Variants in PXMP4 observed in about 807,000 individuals in gnomAD.
The protein encoded by PXMP4 is peroxisomal membrane protein 4, also known as 24 kDa peroxisomal intrinsic membrane protein.
Under a neutral mutation model 21.6 loss-of-function variants are expected in PXMP4, and 16 were observed. The ratio of observed to expected loss-of-function variants is 0.74; its 90% CI spans 0.50 to 1.13. The LOEUF (loss-of-function observed/expected upper bound fraction) is 1.13. PXMP4 is among the 50% of genes most tolerant of loss of function. The pLI is 0.00. For synonymous variants in PXMP4, 127 were observed against 123.8 expected, an observed-to-expected ratio of 1.03 and a Z score of -0.17; for missense variants, 240 against 277.7, an observed-to-expected ratio of 0.86 and a Z score of 0.96.
intron 2 of PXMP4, among the ~76,000 whole-genome samples, chr20:33,713,054 G>A (rs1198026437): frequency 6.6e-6 from 1 of 152,206 alleles, no homozygotes; most frequent in East Asian, 1.9e-4. Flanking sequence ...GAGCCACTGC[G>A]CCTGGCCTAG....
At chr20:33,717,287 C>G (rs2018392965) in intron 1 of PXMP4, among the ~76,000 whole-genome samples, 1 of 152,170 alleles carries the variant, frequency 6.6e-6, no homozygotes, top group East Asian at 1.9e-4. Flanking sequence ...TTTTTGCTTG[C>G]TTTTTAAACT....
intron 1 of PXMP4, among the ~76,000 whole-genome samples, chr20:33,718,093 A>G (rs1279409694): frequency 2.0e-5 from 3 of 152,110 alleles, no homozygotes; most frequent in African/African-American, 7.2e-5. Flanking sequence ...TTACCAGGCT[A>G]CAAGGTCTAA....
rs1281457903 is a variant in PXMP4, at chr20:33,707,301, T to G, written c.*405A>C. ...ACAGCATCTGAGATAAGGAACTTAGTGTTTTTTAAAAAGTATTTACAACCC... is the reference window on the plus strand; with the variant it reads ...ACAGCATCTGAGATAAGGAACTTAGGGTTTTTTAAAAAGTATTTACAACCC... On this transcript the variant is annotated 3_prime_UTR_variant, in exon 4 of 4. Coordinates refer to ENST00000409299, the MANE Select transcript of PXMP4 (RefSeq NM_007238.5). 5.9e-6 allele frequency: 1 copy of G among 169,476 alleles called. No homozygotes were observed. Among genetic ancestry groups the G allele is most frequent in the African/African-American group, 2.4e-5 (1 of 42,012 alleles). The allele number at this position is 169,476 out of a possible 1,614,324, so 10.5% of individuals were successfully genotyped here. A position where few individuals can be genotyped will look rare whatever the true frequency, so the allele number is the denominator to read the frequency against.
At position 33,706,136 on chromosome 20, in the gene PXMP4, G is replaced by C. The variant is rs1211998513; in HGVS notation, c.*1570C>G. The C allele has an allele frequency of 6.6e-6, 1 of 151,746 alleles. No homozygotes were observed. Among genetic ancestry groups the C allele is most frequent in the Non-Finnish European group, 1.5e-5 (1 of 67,968 alleles). The allele number at this position is 151,746 out of a possible 1,614,324, so 9.4% of individuals were successfully genotyped here. A position where few individuals can be genotyped will look rare whatever the true frequency, so the allele number is the denominator to read the frequency against. On this transcript the variant is annotated 3_prime_UTR_variant, in exon 4 of 4. Coordinates refer to ENST00000409299, the MANE Select transcript of PXMP4 (RefSeq NM_007238.5). Reference sequence around the variant, plus strand: ...AGATGGGGTTTTACCATGTTGGCCAGGCTGGTCAAGAACTCCTGATCTCAG... The same window carrying C: ...AGATGGGGTTTTACCATGTTGGCCACGCTGGTCAAGAACTCCTGATCTCAG...
At position 33,704,994 on chromosome 20, in the gene PXMP4, T is replaced by G. The variant is rs1388269125; in HGVS notation, c.*2712A>C. On this transcript the variant is annotated 3_prime_UTR_variant, in exon 4 of 4. Coordinates refer to ENST00000409299, the MANE Select transcript of PXMP4 (RefSeq NM_007238.5). ...GTTTGATTTGTCCAGGATTGTGTTT[T>G]TTTTTTTTTTTTTTTTTTTGAGACA... 2.1e-5 allele frequency: 3 copies of G among 143,982 alleles called. No homozygotes were observed. Among genetic ancestry groups the G allele is most frequent in the Admixed American group, 2.1e-4 (3 of 14,554 alleles). 8.9% of individuals were successfully genotyped at this position (143,982 alleles called of 1,614,324 possible).
At chr20:33,714,500 G>C (rs192726805) in intron 2 of PXMP4, among the ~76,000 whole-genome samples, 174 bp downstream of exon 2, 1 of 151,830 alleles carries the variant, frequency 6.6e-6, no homozygotes, top group Admixed American at 6.6e-5. Flanking sequence ...CTGGGTGACA[G>C]AGAGAGACTC....
chr20:33,707,808 CTGCAGGG>C lies in PXMP4; in HGVS notation c.530_536del (p.Thr177SerfsTer8). 6.2e-7 allele frequency: 1 copy of C among 1,614,172 alleles called. No individual in the cohort carries two copies. The highest frequency in any genetic ancestry group is 8.5e-7 in the Non-Finnish European group (1 of 1,180,040). On this transcript the variant is annotated frameshift_variant, in exon 4 of 4. Coordinates refer to ENST00000409299, the MANE Select transcript of PXMP4 (RefSeq NM_007238.5). LOFTEE classifies it high-confidence loss of function. ...AGGTCATGGAGGACTGCAGCGAGGG[CTGCAGGG>C]TGGATCGGTGATACTCAAAGAGCCA...
At chr20:33,710,913 G>T in intron 2 of PXMP4, 160 bp from the exon 3 acceptor site, 2 of 682,664 alleles carry the variant, frequency 2.9e-6, no homozygotes, top group Non-Finnish European at 4.8e-6. Context: ...TTCAGGCCTT[G>T]ACTCAGTGCC....
At chr20:33,719,706 G>A (rs1374059765) in intron 1 of PXMP4, among the ~76,000 whole-genome samples, 2 of 152,190 alleles carry the variant, frequency 1.3e-5, no homozygotes, top group African/African-American at 4.8e-5. Context: ...AGAATAGACA[G>A]GAGGCATCCG....
At chr20:33,719,256 C>T (rs1392979909) in intron 1 of PXMP4, among the ~76,000 whole-genome samples, 1 of 152,184 alleles carries the variant, frequency 6.6e-6, no homozygotes, top group Non-Finnish European at 1.5e-5. Context: ...AGTACCATGC[C>T]CATTTTACAG....
intron 1 of PXMP4, among the ~76,000 whole-genome samples, chr20:33,717,090 A>C (rs2018391009): frequency 6.6e-6 from 1 of 152,008 alleles, no homozygotes; most frequent in East Asian, 1.9e-4. Flanking sequence ...AGGCAGGAGA[A>C]TCTCTTGAAC....
intron 3 of PXMP4, among the ~76,000 whole-genome samples, chr20:33,710,056 TG>T (rs2018306736): frequency 2.5e-5 from 3 of 118,586 alleles, no homozygotes; most frequent in Non-Finnish European, 3.5e-5. Flanking sequence ...GCCACGCCCT[TG>T]TCCCCACTCA....
chr20:33,710,010 C>A (rs6059419), intron 3 of PXMP4, among the ~76,000 whole-genome samples: 73,628 of 131,316 alleles, frequency 0.56, 21,649 homozygotes, highest in East Asian at 0.8. Context: ...TCTACACTGA[C>A]CCACACCCCT....
At chr20:33,711,168 G>C (rs1403248291) in intron 2 of PXMP4, among the ~76,000 whole-genome samples, 2 of 152,164 alleles carry the variant, frequency 1.3e-5, no homozygotes, top group Non-Finnish European at 2.9e-5. Context: ...AACATGTGAA[G>C]GAGTGAGTGT....
chr20:33,709,786 C>A (rs940509932), intron 3 of PXMP4, among the ~76,000 whole-genome samples: 8 of 139,092 alleles, frequency 5.8e-5, no homozygotes, highest in Non-Finnish European at 1.6e-5. Flanking sequence ...ACCCCCACCT[C>A]TACACTGAAC....
chr20:33,718,536 A>C (rs1051786904), intron 1 of PXMP4, among the ~76,000 whole-genome samples: 1 of 150,424 alleles, frequency 6.6e-6, no homozygotes, highest in East Asian at 1.9e-4. Flanking sequence ...AAAAAAAAAA[A>C]AAAACTTGGC....
intron 1 of PXMP4, among the ~76,000 whole-genome samples, 188 bp downstream of exon 1, chr20:33,719,907 G>T (rs999321386): frequency 1.3e-5 from 2 of 152,216 alleles, no homozygotes; most frequent in South Asian, 4.1e-4. Flanking sequence ...GGGAGCCCCA[G>T]TTCAGAGCTG....
At chr20:33,710,465 CTCTGTACTGAA>C in intron 3 of PXMP4, 79 bp downstream of exon 3, 1 of 224,776 alleles carries the variant, frequency 4.4e-6, no homozygotes. Flanking sequence ...TCACCCCCAC[CTCTGTACTGAA>C]CCACGCCCCC....
chr20:33,707,463 C>A lies in PXMP4; in HGVS notation c.*243G>T. 5.7e-6 allele frequency: 3 copies of A among 529,118 alleles called. No homozygotes were observed. The highest frequency in any genetic ancestry group is 7.2e-5 in the East Asian group (2 of 27,680). 32.8% of individuals were successfully genotyped at this position (529,118 alleles called of 1,614,324 possible). A position where few individuals can be genotyped will look rare whatever the true frequency, so the allele number is the denominator to read the frequency against. ...AGAGAGTAGTGTGGCTGGCCCCAGTCTCACAGAAGTCAGCTGCACAGCTGG... is the reference window on the plus strand; with the variant it reads ...AGAGAGTAGTGTGGCTGGCCCCAGTATCACAGAAGTCAGCTGCACAGCTGG... On this transcript the variant is annotated 3_prime_UTR_variant, in exon 4 of 4. Transcript: ENST00000409299.
Sources: allele counts gnomAD v4.1 joint callset (sites outside exome capture counted in the v4.1 genomes callset), GRCh38; gene constraint gnomAD v4.1.1; transcripts MANE v1.5; gene names NCBI Gene and HGNC (gene_info 2026-07-23, HGNC 2026-07-21).